The following UEVLD variants were observed in gnomAD, a reference collection of about 807,000 sequenced individuals.
The protein encoded by UEVLD is ubiquitin-conjugating enzyme E2 variant 3.
Under a neutral mutation model 58.6 loss-of-function variants are expected in UEVLD, and 47 were observed. That is an observed-to-expected ratio of 0.80 (90% CI 0.63 to 1.02). The LOEUF (loss-of-function observed/expected upper bound fraction) is 1.02. Among genes scored for constraint, UEVLD ranks in the 50% least tolerant of loss-of-function variants. UEVLD has a pLI of 0.00. For synonymous variants in UEVLD, 197 were observed against 195.3 expected (o/e 1.01, Z -0.07); for missense variants, 510 against 550.6 (o/e 0.93, Z 0.74).
rs117015566 is a variant in UEVLD at position 18,554,731 on chromosome 11, C to T, written c.715+3497G>A. Among the ~76,000 whole-genome samples the T allele has an allele frequency of 9.3e-3, 1,414 of 152,072 alleles. 15 individuals carry two copies. The highest frequency in any genetic ancestry group is 0.015 in the Non-Finnish European group (1,018 of 67,996). ...GTTTCTTAGTATTTCTCCAGATTGT[C>T]GGTATATACACAAGCATAAGTGTGT... is the stretch of plus-strand genomic sequence containing the variant. On this transcript the variant is annotated intron_variant, in intron 7 of 11. Transcript: ENST00000396197.
At chr11:18,576,827 C>T (rs945399332) in intron 2 of UEVLD, among the ~76,000 whole-genome samples, 2 of 152,160 alleles carry the variant, frequency 1.3e-5, no homozygotes, top group Non-Finnish European at 2.9e-5. Context: ...GGCTTCCCCC[C>T]ACCCACCAAG....
Position 18,588,695 on chromosome 11 carries a change from C to G in UEVLD, c.-41G>C, listed in dbSNP as rs777450425. ...GAGCTAGGTCCCAGGACTCCAGCCC[C>G]CGGACCTTCTTCCGGACTTGCTGCA... On this transcript the variant is annotated 5_prime_UTR_variant, in exon 1 of 12. Transcript: ENST00000396197. 1 of 1,599,304 alleles carries G rather than the reference C, an allele frequency of 6.3e-7. No homozygotes were observed. The highest frequency in any genetic ancestry group is 1.3e-5 in the African/African-American group (1 of 74,766).
At chr11:18,556,217 C>A (rs866116603) in intron 7 of UEVLD, among the ~76,000 whole-genome samples, 51 of 152,296 alleles carry the variant, frequency 3.3e-4, no homozygotes, top group African/African-American at 1.2e-3. Context: ...ACTGAAGAGT[C>A]TCCTAAAGTG....
chr11:18,530,126 T>C lies in UEVLD; in HGVS notation c.*2194A>G, dbSNP rs1850509024. On this transcript the variant is annotated 3_prime_UTR_variant, in exon 12 of 12. Coordinates refer to ENST00000396197, the MANE Select transcript of UEVLD (RefSeq NM_001040697.4). ...TTGTTCAAAAGCATATTACATATTA[T>C]CTAACTTTAATTAGATATCAAATAT... 6.6e-6 allele frequency: 1 copy of C among 152,232 alleles called. No homozygotes were observed. Among genetic ancestry groups the C allele is most frequent in the Non-Finnish European group, 1.5e-5 (1 of 68,040 alleles). The allele number at this position is 152,232 out of a possible 1,614,324, so 9.4% of individuals were successfully genotyped here.
chr11:18,543,293 C>G (rs1233768803), intron 9 of UEVLD, among the ~76,000 whole-genome samples: 1 of 152,148 alleles, frequency 6.6e-6, no homozygotes, highest in Non-Finnish European at 1.5e-5. Flanking sequence ...CTAATTTTCC[C>G]CAGATCACTT....
Position 18,546,985 on chromosome 11 carries a change from A to T in UEVLD, c.781T>A (p.Ser261Thr), listed in dbSNP as rs896423313. The change falls in exon 8 of 12, where the codon TCG (serine) becomes ACG (threonine). Residue 261 changes from serine to threonine, a missense_variant. Physicochemically the swap from Ser to Thr is moderately conservative, Grantham distance 58. Transcript: ENST00000396197. ...TTGCTCTGTACCACATCAAGGTACGACTGAGAACTACCCAAAGAGTTGACT... is the reference window on the plus strand; with the variant it reads ...TTGCTCTGTACCACATCAAGGTACGTCTGAGAACTACCCAAAGAGTTGACT... ...FTVNSLGSSQ[S>T]YLDVVQSNVD... The T allele has an allele frequency of 1.2e-6, 2 of 1,614,190 alleles. No individual in the cohort carries two copies. Among genetic ancestry groups the T allele is most frequent in the Non-Finnish European group, 1.7e-6 (2 of 1,180,026 alleles).
At chr11:18,572,590 A>G (rs1565136960) in intron 3 of UEVLD, among the ~76,000 whole-genome samples, 2 of 152,202 alleles carry the variant, frequency 1.3e-5, no homozygotes, top group Non-Finnish European at 2.9e-5. Flanking sequence ...GGATCACCAG[A>G]GGGCAGGAGT....
intron 10 of UEVLD, 143 bp from the exon 11 acceptor site, chr11:18,534,596 T>C: frequency 1.2e-6 from 1 of 815,260 alleles, no homozygotes; most frequent in Non-Finnish European, 1.8e-6. Flanking sequence ...ATAGATAATC[T>C]AATCTAATGT....
chr11:18,575,063 T>C (rs1852829621), intron 3 of UEVLD, among the ~76,000 whole-genome samples: 1 of 152,154 alleles, frequency 6.6e-6, no homozygotes. Context: ...CCTAGTGTCT[T>C]TTGGGCAATG....
intron 6 of UEVLD, among the ~76,000 whole-genome samples, chr11:18,562,499 G>A (rs1298834194): frequency 6.6e-6 from 1 of 151,462 alleles, no homozygotes; most frequent in East Asian, 2.0e-4. Flanking sequence ...CTGAGATCAT[G>A]CTACTGCACT....
rs1378634057 is a variant in UEVLD, at chr11:18,532,365, G to A, written c.1371C>T (p.Ser457=). The A allele has an allele frequency of 1.9e-6, 3 of 1,613,296 alleles. No homozygotes were observed. The highest frequency in any genetic ancestry group is 2.5e-6 in the Non-Finnish European group (3 of 1,179,714). The change falls in exon 12 of 12, where the codon AGC becomes AGT. Residue 457 remains serine (S), a synonymous_variant. Coordinates refer to ENST00000396197, the MANE Select transcript of UEVLD (RefSeq NM_001040697.4). ...GGAGACTGTGGATTGAGGATGCACT[G>A]CTTTGGAGTTTCTCAGTAACTGTAT... is the stretch of plus-strand genomic sequence containing the variant. ...KEDTVTEKLQ[S]SASSIHSLQQ...
chr11:18,561,831 CAAA>C (rs567518058), intron 6 of UEVLD, among the ~76,000 whole-genome samples: 3 of 71,452 alleles, frequency 4.2e-5, no homozygotes, highest in Admixed American at 1.7e-4. Flanking sequence ...GACTTCGTCT[CAAA>C]AAAAAAAAAA....
At chr11:18,543,018 G>C (rs372531621) in intron 9 of UEVLD, among the ~76,000 whole-genome samples, 6 of 151,318 alleles carry the variant, frequency 4.0e-5, no homozygotes, top group African/African-American at 1.2e-4. Context: ...TCAGCCTCCT[G>C]AGTAGCTGGG....
At chr11:18,535,494 C>T (rs2133953183) in intron 10 of UEVLD, among the ~76,000 whole-genome samples, 1 of 152,284 alleles carries the variant, frequency 6.6e-6, no homozygotes, top group South Asian at 2.1e-4. Flanking sequence ...CACTAATCTT[C>T]TCAAGAAAGA....
chr11:18,534,793 C>G (rs1443794187), intron 10 of UEVLD, among the ~76,000 whole-genome samples: 1 of 152,184 alleles, frequency 6.6e-6, no homozygotes, highest in Non-Finnish European at 1.5e-5. Flanking sequence ...AAACTGTAAA[C>G]AGGCATTCTC....
At chr11:18,579,583 A>G in intron 1 of UEVLD, 1 of 766,218 alleles carries the variant, frequency 1.3e-6, no homozygotes. Flanking sequence ...ATGGAAAACA[A>G]AAGCATGCAA....
chr11:18,534,538 G>A, intron 10 of UEVLD, 85 bp from the exon 11 acceptor site: 1 of 1,385,612 alleles, frequency 7.2e-7, no homozygotes, highest in Non-Finnish European at 9.7e-7. Flanking sequence ...TTAATTAGAT[G>A]TTTCTATGAC....
intron 6 of UEVLD, chr11:18,564,072 C>T (rs1372403380): frequency 8.7e-6 from 2 of 229,980 alleles, no homozygotes; most frequent in African/African-American, 2.3e-5. Context: ...AAAACTACAG[C>T]ATGCCAAAAG....
intron 3 of UEVLD, 45 bp from the exon 4 acceptor site, chr11:18,570,422 C>T (rs1210036296): frequency 6.8e-7 from 1 of 1,476,490 alleles, no homozygotes; most frequent in Non-Finnish European, 9.0e-7. Flanking sequence ...TAATAAAGCA[C>T]ACACATTATG....
Sources: gnomAD v4.1 joint callset for allele counts (sites outside exome capture counted in the v4.1 genomes callset) on GRCh38, gnomAD v4.1.1 for gene constraint, MANE v1.5 for transcripts, NCBI Gene and HGNC (gene_info 2026-07-23, HGNC 2026-07-21) for gene names.